Variants in PDE4D observed in about 807,000 individuals in gnomAD.
The protein encoded by PDE4D is 3',5'-cyclic-AMP phosphodiesterase 4D.
A neutral mutation model predicts 87.4 loss-of-function variants in PDE4D; 24 were observed. The observed-to-expected ratio is 0.27, with a 90% CI of 0.20 to 0.39. The LOEUF (loss-of-function observed/expected upper bound fraction) is 0.39. PDE4D is among the 10% of genes least tolerant of loss of function. The pLI is 1.00. For synonymous variants in PDE4D, 384 were observed against 383.2 expected (o/e 1.00, Z -0.02); for missense variants, 714 against 1,041.0 (o/e 0.69, Z 4.32).
In PDE4D at chr5:59,668,736, AAAGAAG is replaced by A. The variant is rs141881917; in HGVS notation, c.455+224426_455+224431del. Reference sequence around the variant, plus strand: ...CAAGAAAAAAAAGAAGAAGAAGAAGAAAGAAGAAGAAGAAGAAGAAAGAAGAAAGAA... The same window carrying A: ...CAAGAAAAAAAAGAAGAAGAAGAAGAAAGAAGAAGAAGAAAGAAGAAAGAA... On this transcript the variant is annotated intron_variant, in intron 1 of 14. Transcript: ENST00000340635. 9.5e-5 allele frequency among the ~76,000 whole-genome samples: 9 copies of A among 94,568 alleles called. No individual in the cohort carries two copies. The East Asian group carries it at 1.3e-3, about 14-fold the overall frequency. 62.0% of individuals were successfully genotyped at this position (94,568 alleles called of 152,430 possible).
Position 58,971,439 on chromosome 5 carries a change from A to AT in PDE4D, c.*3224dup, listed in dbSNP as rs1283053061. 1 of 152,612 alleles carries AT rather than the reference A, an allele frequency of 6.6e-6. No homozygotes were observed. The highest frequency in any genetic ancestry group is 1.5e-5 in the Non-Finnish European group (1 of 68,012). The allele number at this position is 152,612 out of a possible 1,614,324, so 9.5% of individuals were successfully genotyped here. A position where few individuals can be genotyped will look rare whatever the true frequency, so the allele number is the denominator to read the frequency against. On this transcript the variant is annotated 3_prime_UTR_variant, in exon 15 of 15. Coordinates refer to ENST00000340635, the MANE Select transcript of PDE4D (RefSeq NM_001104631.2). ...TTTTAATAAGAACAGATAATTTACA[A>AT]TTAACATTACAGTATGTACATTGCA...
chr5:59,310,923 G>C (rs1025676794), intron 1 of PDE4D, among the ~76,000 whole-genome samples: 1 of 152,114 alleles, frequency 6.6e-6, no homozygotes, highest in African/African-American at 2.4e-5. Context: ...ACAGCTGCTG[G>C]CTAGGGATAA....
chr5:59,100,985 C>G lies in PDE4D; in HGVS notation c.809-62014G>C, dbSNP rs547410225. ...ATTGGTATGAAGGCTTCTGCCACTG[C>G]CATGTGGTATCACAGTGAACAATGG... On this transcript the variant is annotated intron_variant, in intron 5 of 14. Transcript: ENST00000340635. 3.3e-5 allele frequency among the ~76,000 whole-genome samples: 5 copies of G among 152,306 alleles called. No homozygotes were observed. The South Asian group carries it at 1.0e-3, about 32-fold the overall frequency.
intron 1 of PDE4D, among the ~76,000 whole-genome samples, chr5:59,864,783 C>A (rs1314548280): frequency 6.6e-6 from 1 of 152,086 alleles, no homozygotes; most frequent in Non-Finnish European, 1.5e-5. Flanking sequence ...ACAGACATGC[C>A]CTGTAGCACT....
chr5:59,200,417 A>G (rs1581343031), intron 2 of PDE4D, among the ~76,000 whole-genome samples: 1 of 296 alleles, frequency 3.4e-3, no homozygotes, highest in Non-Finnish European at 6.7e-3. Context: ...GTATACATAC[A>G]CGTGTATGTA....
chr5:59,634,981 C>A (rs1014306447), intron 1 of PDE4D, among the ~76,000 whole-genome samples: 2 of 151,676 alleles, frequency 1.3e-5, no homozygotes, highest in African/African-American at 4.8e-5. Context: ...CAAAACAGAC[C>A]ACTAGCCAGA....
At chr5:59,294,564 A>T (rs1768689020) in intron 1 of PDE4D, among the ~76,000 whole-genome samples, 1 of 152,164 alleles carries the variant, frequency 6.6e-6, no homozygotes. Flanking sequence ...CCCTTACTCC[A>T]GCCAAATTGC....
intron 1 of PDE4D, among the ~76,000 whole-genome samples, chr5:60,242,380 A>G (rs1231506764): frequency 6.6e-6 from 1 of 152,130 alleles, no homozygotes; most frequent in Non-Finnish European, 1.5e-5. Context: ...ACAGCTGGAG[A>G]GTTCAACAGC....
At chr5:59,241,595 T>C (rs1757693586) in intron 1 of PDE4D, among the ~76,000 whole-genome samples, 1 of 152,200 alleles carries the variant, frequency 6.6e-6, no homozygotes, top group African/African-American at 2.4e-5. Context: ...ATGCCATCTC[T>C]TTCCAAAGGT....
rs549558667 is a variant in PDE4D, at chr5:59,112,957, C to T, written c.808+67638G>A. Among the ~76,000 whole-genome samples, 76 of 152,070 alleles carry T rather than the reference C, an allele frequency of 5.0e-4. No homozygotes were observed. In the East Asian group the frequency reaches 7.2e-3, roughly 14 times the overall value. On this transcript the variant is annotated intron_variant, in intron 5 of 14. Coordinates refer to ENST00000340635, the MANE Select transcript of PDE4D (RefSeq NM_001104631.2). ...CTGGGATTACAGGCATGCACCACCA[C>T]GCATGGCTAATTTTTGTATTTTTAG... is the stretch of plus-strand genomic sequence containing the variant.
At chr5:60,292,856 A>T (rs1350709874) in intron 1 of PDE4D, among the ~76,000 whole-genome samples, 1 of 152,214 alleles carries the variant, frequency 6.6e-6, no homozygotes, top group African/African-American at 2.4e-5. Flanking sequence ...ACTAGTTTCC[A>T]TAATCATGTT....
intron 1 of PDE4D, among the ~76,000 whole-genome samples, chr5:59,670,572 C>A (rs1297570838): frequency 6.6e-6 from 1 of 151,868 alleles, no homozygotes; most frequent in Non-Finnish European, 1.5e-5. Context: ...AGGTCTTATC[C>A]CCAAGATATC....
intron 1 of PDE4D, chr5:59,592,277 A>G (rs916597035): frequency 1.4e-5 from 4 of 284,708 alleles, no homozygotes; most frequent in Non-Finnish European, 2.1e-5. Flanking sequence ...GTTCTAGCAA[A>G]GTCTGAAGGC....
chr5:59,542,169 A>AT lies in PDE4D; in HGVS notation c.456-326202dup, dbSNP rs1016105200. On this transcript the variant is annotated intron_variant, in intron 1 of 14. Transcript: ENST00000340635. ...AGGTCTCTTCTAGTATCCTAGTGCT[A>AT]TTTTTTTCTCTGCCAAGTTCTGATT... Among the ~76,000 whole-genome samples, 24 of 152,028 alleles carry AT rather than the reference A, an allele frequency of 1.6e-4. No homozygotes were observed. In the East Asian group the frequency reaches 4.6e-3, roughly 29 times the overall value.
intron 1 of PDE4D, among the ~76,000 whole-genome samples, chr5:60,455,947 G>GC (rs528251978): frequency 3.0e-4 from 46 of 152,142 alleles, no homozygotes; most frequent in Admixed American, 2.2e-3. Context: ...TTGGAGCCAG[G>GC]GTTCTCCAGC....
intron 3 of PDE4D, among the ~76,000 whole-genome samples, chr5:59,901,431 A>G (rs1019354047): frequency 6.6e-5 from 10 of 152,214 alleles, no homozygotes; most frequent in Admixed American, 6.5e-4. Flanking sequence ...AAAAGCAGTT[A>G]CAGCGAAAGA....
At chr5:60,449,911 AAG>A (rs1745959752) in intron 1 of PDE4D, among the ~76,000 whole-genome samples, 1 of 151,074 alleles carries the variant, frequency 6.6e-6, no homozygotes, top group Non-Finnish European at 1.5e-5. Context: ...AAGAAAAAAA[AAG>A]AAGTCATATG....
At chr5:60,005,919 C>G (rs186766302) in intron 2 of PDE4D, among the ~76,000 whole-genome samples, 4 of 151,620 alleles carry the variant, frequency 2.6e-5, no homozygotes, top group Non-Finnish European at 2.9e-5. Flanking sequence ...GATCTGTTAA[C>G]CTTAGTTGCT....
chr5:59,755,906 C>T (rs1446117229), intron 1 of PDE4D, among the ~76,000 whole-genome samples: 1 of 150,046 alleles, frequency 6.7e-6, no homozygotes, highest in Admixed American at 6.6e-5. Flanking sequence ...GAAGAGGAAG[C>T]CACTTTATTT....
Sources: allele counts gnomAD v4.1 joint callset (sites outside exome capture counted in the v4.1 genomes callset), GRCh38; gene constraint gnomAD v4.1.1; transcripts MANE v1.5; gene names NCBI Gene and HGNC (gene_info 2026-07-23, HGNC 2026-07-21).